PTPRN2: variants seen among roughly 807,000 people sequenced by gnomAD.
PTPRN2 encodes receptor-type tyrosine-protein phosphatase N2.
A neutral mutation model predicts 118.8 loss-of-function variants in PTPRN2; 74 were observed. The observed-to-expected ratio is 0.62, with a 90% CI of 0.52 to 0.76. PTPRN2 has a LOEUF of 0.76. PTPRN2 is among the 30% of genes least tolerant of loss of function. The pLI, the probability that PTPRN2 is intolerant of heterozygous loss-of-function variation, is 0.00. For synonymous variants in PTPRN2, 641 were observed against 608.0 expected, an observed-to-expected ratio of 1.05 and a Z score of -0.80; for missense variants, 1,481 against 1,394.4, an observed-to-expected ratio of 1.06 and a Z score of -0.99.
chr7:158,144,000 T>G (rs114310875), intron 6 of PTPRN2, among the ~76,000 whole-genome samples: 1 of 152,048 alleles, frequency 6.6e-6, no homozygotes, highest in Non-Finnish European at 1.5e-5. Context: ...ACGACCCCAC[T>G]GCAGCTCCAG....
chr7:158,071,033 CTTA>C (rs1811384413), intron 11 of PTPRN2, among the ~76,000 whole-genome samples: 1 of 47,454 alleles, frequency 2.1e-5, no homozygotes, highest in Non-Finnish European at 3.8e-5. Flanking sequence ...TGGAGGTGCT[CTTA>C]GTATGGAGGT....
At chr7:158,142,826 A>G (rs1819513050) in intron 6 of PTPRN2, among the ~76,000 whole-genome samples, 1 of 152,234 alleles carries the variant, frequency 6.6e-6, no homozygotes, top group Admixed American at 6.5e-5. Flanking sequence ...AGGGCTGGAC[A>G]GTCCCAGGTC....
chr7:157,625,257 T>A (rs1030715647), intron 14 of PTPRN2, among the ~76,000 whole-genome samples: 4 of 152,214 alleles, frequency 2.6e-5, no homozygotes, highest in African/African-American at 9.7e-5. Context: ...AAGATGTCAT[T>A]ATACGAAAAA....
At chr7:157,972,433 G>A (rs1479979591) in intron 11 of PTPRN2, among the ~76,000 whole-genome samples, 1 of 152,180 alleles carries the variant, frequency 6.6e-6, no homozygotes, top group African/African-American at 2.4e-5. Flanking sequence ...TGTCACCCAA[G>A]AGAAGGGGGT....
chr7:158,145,868 C>A (rs929608120), intron 6 of PTPRN2, among the ~76,000 whole-genome samples: 1 of 152,192 alleles, frequency 6.6e-6, no homozygotes, highest in Non-Finnish European at 1.5e-5. Context: ...TGACCATGCT[C>A]CCGGAGTCTT....
At chr7:158,329,319 C>T (rs548691733) in intron 2 of PTPRN2, among the ~76,000 whole-genome samples, 9 of 152,326 alleles carry the variant, frequency 5.9e-5, no homozygotes, top group Admixed American at 1.3e-4. Context: ...AGCACCAGCG[C>T]GCCCAGCACT....
intron 1 of PTPRN2, among the ~76,000 whole-genome samples, chr7:158,501,683 G>T (rs1822372479): frequency 6.6e-6 from 1 of 152,186 alleles, no homozygotes; most frequent in Admixed American, 6.5e-5. Flanking sequence ...ACCACCAAAG[G>T]CGCTGTCACA....
intron 10 of PTPRN2, among the ~76,000 whole-genome samples, chr7:158,085,715 C>G (rs1222727950): frequency 7.1e-6 from 1 of 141,466 alleles, no homozygotes; most frequent in African/African-American, 2.8e-5. Context: ...CATCCACACC[C>G]ACGACGCCCA....
intron 11 of PTPRN2, among the ~76,000 whole-genome samples, chr7:157,913,771 T>C (rs1330611995): frequency 6.6e-6 from 1 of 152,246 alleles, no homozygotes; most frequent in Non-Finnish European, 1.5e-5. Flanking sequence ...CACCTATGTT[T>C]TTGAGGAAAT....
At chr7:158,334,487 C>A (rs62480925) in intron 2 of PTPRN2, among the ~76,000 whole-genome samples, 101 of 71,426 alleles carry the variant, frequency 1.4e-3, no homozygotes, top group African/African-American at 3.3e-3. Flanking sequence ...CACCCACACA[C>A]GTCACTCACA....
Position 157,874,111 on chromosome 7 carries a change from C to T in PTPRN2, c.1788+24562G>A, listed in dbSNP as rs544938071. Among the ~76,000 whole-genome samples the T allele has an allele frequency of 2.0e-4, 30 of 152,298 alleles. No individual in the cohort carries two copies. The highest frequency in any genetic ancestry group is 6.2e-4 in the South Asian group (3 of 4,828). ...CATCTTCAGACCAGGCCTTCTGCAA[C>T]GATTCTCTGGCCTCTCTGCTGCTCT... On this transcript the variant is annotated intron_variant, in intron 12 of 22. Coordinates refer to ENST00000389418, the MANE Select transcript of PTPRN2 (RefSeq NM_002847.5). The surrounding 1 kb of genome is among the most constrained non-coding windows in gnomAD (Gnocchi z 5.8).
chr7:157,808,500 G>A lies in PTPRN2; in HGVS notation c.1788+90173C>T, dbSNP rs982592249. On this transcript the variant is annotated intron_variant, in intron 12 of 22. Transcript: ENST00000389418. The surrounding 1 kb of genome is among the most constrained non-coding windows in gnomAD (Gnocchi z 5.0). ...ACTGTGCATGTGAGGGATCCAGGTT[G>A]CACGCTCCTTATGAAAATCTAATGC... 6.6e-6 allele frequency among the ~76,000 whole-genome samples: 1 copy of A among 152,134 alleles called. No individual in the cohort carries two copies. The highest frequency in any genetic ancestry group is 2.4e-5 in the African/African-American group (1 of 41,414).
chr7:158,111,164 T>C (rs961725284), intron 9 of PTPRN2, among the ~76,000 whole-genome samples: 1 of 152,108 alleles, frequency 6.6e-6, no homozygotes, highest in Non-Finnish European at 1.5e-5. Flanking sequence ...CCTCTCAGCC[T>C]TCAGTGAAAA....
intron 6 of PTPRN2, among the ~76,000 whole-genome samples, chr7:158,166,039 A>G (rs1822938611): frequency 6.6e-6 from 1 of 152,130 alleles, no homozygotes; most frequent in Non-Finnish European, 1.5e-5. Context: ...TTCAGCGACA[A>G]AGGACACTGG....
At chr7:157,645,231 A>G (rs912066991) in intron 14 of PTPRN2, among the ~76,000 whole-genome samples, 1 of 152,222 alleles carries the variant, frequency 6.6e-6, no homozygotes, top group Non-Finnish European at 1.5e-5. Flanking sequence ...CCACTCTTGG[A>G]AGGAACCATA....
chr7:157,710,800 A>G (rs1332178360), intron 12 of PTPRN2, among the ~76,000 whole-genome samples: 1 of 151,106 alleles, frequency 6.6e-6, no homozygotes, highest in Non-Finnish European at 1.5e-5. Context: ...GTTACACGCG[A>G]GAGCCCCACG....
intron 11 of PTPRN2, 139 bp from the exon 12 acceptor site, chr7:157,898,876 C>G (rs539396617): frequency 1.3e-6 from 1 of 763,676 alleles, no homozygotes; most frequent in Non-Finnish European, 2.3e-6. Context: ...GGGTCATGAA[C>G]AGGCACAGAA....
chr7:157,806,802 G>A (rs1805663693), intron 12 of PTPRN2, among the ~76,000 whole-genome samples: 1 of 152,188 alleles, frequency 6.6e-6, no homozygotes, highest in Non-Finnish European at 1.5e-5. Flanking sequence ...GGCAGACCAC[G>A]GCCCGGTGGT....
At chr7:158,056,446 C>T (rs1437266833) in intron 11 of PTPRN2, among the ~76,000 whole-genome samples, 1 of 152,252 alleles carries the variant, frequency 6.6e-6, no homozygotes, top group Non-Finnish European at 1.5e-5. Flanking sequence ...TTGGGAAAAA[C>T]ACATTTGTAA....
Sources: allele counts gnomAD v4.1 joint callset (sites outside exome capture counted in the v4.1 genomes callset), GRCh38; gene constraint gnomAD v4.1.1; non-coding constraint Gnocchi (gnomAD v3.1); transcripts MANE v1.5; gene names NCBI Gene and HGNC (gene_info 2026-07-23, HGNC 2026-07-21).